Variants in MGAT4C observed in about 807,000 individuals in gnomAD.
The protein encoded by MGAT4C is MGAT4 family member C, also known as alpha-1,3-mannosyl-glycoprotein 4-beta-N-acetylglucosaminyltransferase C.
Under a neutral mutation model 40.1 loss-of-function variants are expected in MGAT4C, and 19 were observed. The ratio of observed to expected loss-of-function variants is 0.47; its 90% CI spans 0.33 to 0.70. MGAT4C has a LOEUF of 0.70. Among genes scored for constraint, MGAT4C ranks in the 30% least tolerant of loss-of-function variants. The pLI, the probability that MGAT4C is intolerant of heterozygous loss-of-function variation, is 0.02. For missense variants in MGAT4C, 491 were observed against 563.2 expected, an observed-to-expected ratio of 0.87 and a Z score of 1.30; for synonymous variants, 181 against 187.1, an observed-to-expected ratio of 0.97 and a Z score of 0.27.
chr12:86,408,471 C>G (rs1415849246), intron 3 of MGAT4C, among the ~76,000 whole-genome samples: 2 of 109,436 alleles, frequency 1.8e-5, no homozygotes, highest in Non-Finnish European at 3.6e-5. Flanking sequence ...CTCTCTCTCT[C>G]TCTCTCTCTA....
chr12:86,153,862 T>C (rs1405582006), intron 1 of MGAT4C, among the ~76,000 whole-genome samples: 1 of 152,206 alleles, frequency 6.6e-6, no homozygotes, highest in African/African-American at 2.4e-5. Context: ...GGATATTTCT[T>C]TACAGCAGTG....
chr12:86,723,455 A>G (rs1231859512), intron 2 of MGAT4C, among the ~76,000 whole-genome samples: 1 of 152,178 alleles, frequency 6.6e-6, no homozygotes, highest in Admixed American at 6.5e-5. Context: ...GATCTGTTTC[A>G]GGCCTGTCTC....
chr12:86,543,585 A>C (rs923429906), intron 2 of MGAT4C, among the ~76,000 whole-genome samples: 3 of 152,108 alleles, frequency 2.0e-5, no homozygotes, highest in African/African-American at 7.2e-5. Flanking sequence ...TTTATATAGA[A>C]AAATTCTAAC....
intron 3 of MGAT4C, among the ~76,000 whole-genome samples, chr12:86,347,152 G>A (rs1592723533): frequency 6.6e-6 from 1 of 152,162 alleles, no homozygotes; most frequent in East Asian, 1.9e-4. Flanking sequence ...ACCTGTTATC[G>A]TCTGAGTCAA....
At chr12:86,720,902 C>A (rs775698894) in intron 2 of MGAT4C, among the ~76,000 whole-genome samples, 3 of 152,070 alleles carry the variant, frequency 2.0e-5, no homozygotes, top group Non-Finnish European at 4.4e-5. Flanking sequence ...AAATAATAAA[C>A]CATAATATTT....
intron 1 of MGAT4C, among the ~76,000 whole-genome samples, chr12:86,111,869 T>C (rs1376453098): frequency 1.3e-5 from 2 of 151,884 alleles, no homozygotes; most frequent in African/African-American, 4.8e-5. Flanking sequence ...CTTTCTGTAA[T>C]CACTTCAATA....
chr12:86,440,996 C>A (rs1188955823), intron 2 of MGAT4C, among the ~76,000 whole-genome samples: 1 of 152,076 alleles, frequency 6.6e-6, no homozygotes, highest in East Asian at 1.9e-4. Flanking sequence ...ACATCCGATG[C>A]TCATGGACTG....
chr12:86,017,801 CTGTT>C (rs1373928056), intron 2 of MGAT4C, among the ~76,000 whole-genome samples: 2 of 152,106 alleles, frequency 1.3e-5, no homozygotes, highest in Non-Finnish European at 2.9e-5. Flanking sequence ...ACATTTTTAA[CTGTT>C]TGTCATTGGA....
At chr12:86,063,880 G>A (rs1424198456) in intron 1 of MGAT4C, among the ~76,000 whole-genome samples, 1 of 152,188 alleles carries the variant, frequency 6.6e-6, no homozygotes, top group African/African-American at 2.4e-5. Context: ...ACCCGTGCAG[G>A]AGCACCCAGA....
chr12:86,049,663 T>C lies in MGAT4C; in HGVS notation c.-7+11A>G. Reference sequence around the variant, plus strand: ...CCTTAGAATACTACCATGAATGACATAGAATCTCACCTTAAGAAAGACGCT... The same window carrying C: ...CCTTAGAATACTACCATGAATGACACAGAATCTCACCTTAAGAAAGACGCT... On this transcript the variant is annotated intron_variant, in intron 2 of 4. Coordinates refer to ENST00000611864, the MANE Select transcript of MGAT4C (RefSeq NM_001351288.2). The C allele has an allele frequency of 5.1e-5, 50 of 980,206 alleles. No individual in the cohort carries two copies. The highest frequency in any genetic ancestry group is 5.8e-5 in the Non-Finnish European group (48 of 824,898). 60.7% of individuals were successfully genotyped at this position (980,206 alleles called of 1,614,324 possible). A position where few individuals can be genotyped will look rare whatever the true frequency, so the allele number is the denominator to read the frequency against.
At chr12:86,722,058 G>A (rs1950745376) in intron 2 of MGAT4C, among the ~76,000 whole-genome samples, 1 of 151,972 alleles carries the variant, frequency 6.6e-6, no homozygotes, top group Non-Finnish European at 1.5e-5. Flanking sequence ...TAAATAACAA[G>A]GACAGTAAAT....
chr12:86,067,053 A>G (rs755702922), intron 1 of MGAT4C, among the ~76,000 whole-genome samples: 3 of 152,198 alleles, frequency 2.0e-5, no homozygotes, highest in Non-Finnish European at 2.9e-5. Flanking sequence ...AAAAGTCAGA[A>G]AACAATAGAT....
chr12:86,451,514 G>C (rs866856450), intron 2 of MGAT4C, among the ~76,000 whole-genome samples: 2 of 152,024 alleles, frequency 1.3e-5, no homozygotes, highest in Admixed American at 6.6e-5. Context: ...TTTTCAACAG[G>C]TTTACTATAA....
At chr12:86,601,969 C>T (rs1275674598) in intron 2 of MGAT4C, among the ~76,000 whole-genome samples, 1 of 152,132 alleles carries the variant, frequency 6.6e-6, no homozygotes, top group Non-Finnish European at 1.5e-5. Context: ...CTTTGGGGTG[C>T]CACCGCGTTC....
chr12:86,576,422 C>A (rs190226170), intron 2 of MGAT4C, among the ~76,000 whole-genome samples: 27 of 151,850 alleles, frequency 1.8e-4, no homozygotes, highest in African/African-American at 5.8e-4. Flanking sequence ...CCTGAGACTT[C>A]CCCCAGTGTT....
At chr12:86,039,600 T>C (rs1891603610) in intron 2 of MGAT4C, among the ~76,000 whole-genome samples, 1 of 152,154 alleles carries the variant, frequency 6.6e-6, no homozygotes, top group African/African-American at 2.4e-5. Flanking sequence ...CCTAAACTGG[T>C]TATTCTAGTT....
intron 2 of MGAT4C, among the ~76,000 whole-genome samples, chr12:86,520,651 C>T (rs954089132): frequency 6.6e-6 from 1 of 152,076 alleles, no homozygotes; most frequent in African/African-American, 2.4e-5. Flanking sequence ...GAATTACCAA[C>T]CACTGTCTTC....
intron 1 of MGAT4C, among the ~76,000 whole-genome samples, chr12:86,231,395 G>A (rs1302826855): frequency 6.6e-6 from 1 of 152,084 alleles, no homozygotes; most frequent in Middle Eastern, 3.2e-3. Context: ...CTAACCAGTG[G>A]GTTACCTTCT....
At chr12:86,568,853 G>T (rs985701133) in intron 2 of MGAT4C, among the ~76,000 whole-genome samples, 3 of 151,936 alleles carry the variant, frequency 2.0e-5, no homozygotes, top group African/African-American at 7.2e-5. Context: ...AATAAACTGT[G>T]CTGGGAAAAC....
Sources: gnomAD v4.1 joint callset for allele counts (sites outside exome capture counted in the v4.1 genomes callset) on GRCh38, gnomAD v4.1.1 for gene constraint, MANE v1.5 for transcripts, NCBI Gene and HGNC (gene_info 2026-07-23, HGNC 2026-07-21) for gene names.